CCDC102B: variants seen among roughly 807,000 people sequenced by gnomAD.
CCDC102B encodes coiled-coil domain-containing protein 102B.
In CCDC102B, 75 loss-of-function variants were observed where a neutral mutation model predicts 57.4. That is an observed-to-expected ratio of 1.31 (90% CI 1.08 to 1.58). The LOEUF is 1.58. Among genes scored for constraint, CCDC102B ranks in the 40% most tolerant of loss-of-function variants. The probability of loss-of-function intolerance (pLI) is 0.00; values close to 1 mark genes in which losing one functional copy is unlikely to be tolerated. For synonymous variants in CCDC102B, 206 were observed against 201.9 expected (o/e 1.02, Z -0.17); for missense variants, 636 against 582.6 (o/e 1.09, Z -0.94).
chr18:68,948,914 A>G (rs751335178), intron 6 of CCDC102B, among the ~76,000 whole-genome samples: 4 of 152,128 alleles, frequency 2.6e-5, no homozygotes, highest in Non-Finnish European at 4.4e-5. Context: ...TTTATTAAGT[A>G]TTAACTTACA....
At chr18:68,943,276 C>T (rs878894486) in intron 6 of CCDC102B, among the ~76,000 whole-genome samples, 2 of 152,108 alleles carry the variant, frequency 1.3e-5, no homozygotes, top group African/African-American at 4.8e-5. Flanking sequence ...TGTTCTTACT[C>T]ATTTCAAACT....
intron 1 of CCDC102B, among the ~76,000 whole-genome samples, chr18:68,825,842 T>C (rs1247609027): frequency 6.6e-6 from 1 of 152,122 alleles, no homozygotes; most frequent in African/African-American, 2.4e-5. Context: ...ATCCAAGTAT[T>C]TTGTACTTAC....
At chr18:68,785,994 T>C (rs1026074514) in intron 2 of CCDC102B, among the ~76,000 whole-genome samples, 2 of 152,014 alleles carry the variant, frequency 1.3e-5, no homozygotes, top group Admixed American at 6.5e-5. Flanking sequence ...CCATCTTGAA[T>C]TGATTTTTGT....
At chr18:68,823,594 A>T (rs1383088191) in intron 1 of CCDC102B, among the ~76,000 whole-genome samples, 1 of 152,166 alleles carries the variant, frequency 6.6e-6, no homozygotes, top group East Asian at 1.9e-4. Flanking sequence ...GCTGTGTTGA[A>T]TGGTAGCCCT....
chr18:68,962,655 G>GA (rs1261077255), intron 6 of CCDC102B, among the ~76,000 whole-genome samples: 3 of 151,822 alleles, frequency 2.0e-5, no homozygotes, highest in Non-Finnish European at 4.4e-5. Flanking sequence ...AAGTAAAAAA[G>GA]AAAAATAGAA....
At chr18:68,828,163 A>G (rs1481281488) in intron 1 of CCDC102B, among the ~76,000 whole-genome samples, 1 of 151,792 alleles carries the variant, frequency 6.6e-6, no homozygotes, top group South Asian at 2.1e-4. Flanking sequence ...CAACTAATAA[A>G]ATGACTACAC....
chr18:68,899,197 G>T (rs979508614), intron 6 of CCDC102B, among the ~76,000 whole-genome samples: 1 of 151,838 alleles, frequency 6.6e-6, no homozygotes. Flanking sequence ...ATTTTGGAAC[G>T]GTAGCAAGCC....
chr18:68,870,209 G>GA (rs887174366), intron 4 of CCDC102B, among the ~76,000 whole-genome samples: 30 of 152,040 alleles, frequency 2.0e-4, no homozygotes, highest in Admixed American at 5.9e-4. Context: ...GTGGGTGGGG[G>GA]AAAGGGGAGT....
chr18:68,882,818 T>G (rs974671792), intron 5 of CCDC102B, among the ~76,000 whole-genome samples: 1 of 152,158 alleles, frequency 6.6e-6, no homozygotes, highest in Non-Finnish European at 1.5e-5. Context: ...TAAAAAATAA[T>G]GAGATCATGT....
intron 6 of CCDC102B, among the ~76,000 whole-genome samples, chr18:68,960,910 T>C (rs2145228367): frequency 6.6e-6 from 1 of 152,278 alleles, no homozygotes; most frequent in East Asian, 1.9e-4. Flanking sequence ...GTCTTTCCTA[T>C]CTTGTTCAGT....
At chr18:68,847,500 C>A (rs919474992) in intron 4 of CCDC102B, among the ~76,000 whole-genome samples, 25 of 151,926 alleles carry the variant, frequency 1.6e-4, no homozygotes, top group Admixed American at 1.3e-3. Flanking sequence ...GTTTCATAAA[C>A]CTTTATTTGA....
intron 6 of CCDC102B, among the ~76,000 whole-genome samples, chr18:69,009,250 G>T (rs993489895): frequency 6.6e-6 from 1 of 151,838 alleles, no homozygotes; most frequent in African/African-American, 2.4e-5. Flanking sequence ...TTTTATTTTT[G>T]ATATTTTTAG....
At chr18:68,876,116 T>C (rs1197302527) in intron 5 of CCDC102B, among the ~76,000 whole-genome samples, 2 of 152,210 alleles carry the variant, frequency 1.3e-5, no homozygotes, top group Non-Finnish European at 2.9e-5. Context: ...GCATCTTTCA[T>C]TAAACATTGT....
intron 2 of CCDC102B, among the ~76,000 whole-genome samples, chr18:68,751,630 A>G (rs1422264760): frequency 1.3e-5 from 2 of 152,168 alleles, no homozygotes; most frequent in African/African-American, 4.8e-5. Flanking sequence ...ATTTTTTGCC[A>G]CTCTGAACAT....
intron 2 of CCDC102B, among the ~76,000 whole-genome samples, chr18:68,744,486 G>T (rs1047258858): frequency 1.3e-5 from 2 of 152,118 alleles, no homozygotes; most frequent in Non-Finnish European, 2.9e-5. Context: ...TAACTGCTAG[G>T]GCTAGGTAGA....
intron 1 of CCDC102B, among the ~76,000 whole-genome samples, chr18:68,816,985 T>G: frequency 6.6e-6 from 1 of 152,332 alleles, no homozygotes; most frequent in African/African-American, 2.4e-5. Context: ...TTGTTCTGCA[T>G]TGTGAGAGAA....
At chr18:69,014,978 A>AGTGTGTGTGTGTGTGTGTGT (rs3035604) in intron 7 of CCDC102B, among the ~76,000 whole-genome samples, 1 of 139,332 alleles carries the variant, frequency 7.2e-6, no homozygotes, top group Non-Finnish European at 1.6e-5. Context: ...AGAGAGAGAG[A>AGTGTGTGTGTGTGTGTGTGT]GTGTGTGTGT....
intron 6 of CCDC102B, among the ~76,000 whole-genome samples, chr18:68,939,234 G>A (rs2049319496): frequency 6.6e-6 from 1 of 151,700 alleles, no homozygotes; most frequent in Non-Finnish European, 1.5e-5. Flanking sequence ...ATAACAAAAT[G>A]TTCTCCCTAC....
chr18:68,876,403 G>A (rs1235264116), intron 5 of CCDC102B, among the ~76,000 whole-genome samples: 1 of 152,054 alleles, frequency 6.6e-6, no homozygotes, highest in African/African-American at 2.4e-5. Context: ...TAGGGGGATT[G>A]CCCTAGCCAG....
Sources: allele counts gnomAD v4.1 joint callset (sites outside exome capture counted in the v4.1 genomes callset), GRCh38; gene constraint gnomAD v4.1.1; transcripts MANE v1.5; gene names NCBI Gene and HGNC (gene_info 2026-07-23, HGNC 2026-07-21).